The following ANKRD28 variants were observed in gnomAD, a reference collection of about 807,000 sequenced individuals.
ANKRD28 encodes ankyrin repeat domain 28.
A neutral mutation model predicts 126.5 loss-of-function variants in ANKRD28; 44 were observed. That is an observed-to-expected ratio of 0.35 (90% CI 0.27 to 0.45). The LOEUF (loss-of-function observed/expected upper bound fraction) is 0.45, where lower values mean the gene tolerates loss of function less well. Ranked by LOEUF, ANKRD28 falls within the 20% of genes least tolerant of loss-of-function variation. The probability of loss-of-function intolerance (pLI) is 1.00; values close to 1 mark genes in which losing one functional copy is unlikely to be tolerated. For synonymous variants in ANKRD28, 442 were observed against 468.5 expected, an observed-to-expected ratio of 0.94 and a Z score of 0.73; for missense variants, 1,110 against 1,316.6, an observed-to-expected ratio of 0.84 and a Z score of 2.43.
chr3:15,724,443 T>C lies in ANKRD28; in HGVS notation c.722A>G (p.His241Arg), dbSNP rs2074011014. The part of the protein sequence containing the change: ...CKDKKSYTPL[H>R]AAASSGMISV... ...GATCATTCCACTAGAGGCTGCTGCA[T>C]GAAGAGGTGTATAAGACTTTTTATC... The change falls in exon 7 of 28, where the codon CAT (histidine) becomes CGT (arginine). Residue 241 changes from histidine to arginine, a missense_variant. Transcript: ENST00000683139. The C allele has an allele frequency of 6.2e-7, 1 of 1,603,322 alleles. No individual in the cohort carries two copies. The highest frequency in any genetic ancestry group is 8.5e-7 in the Non-Finnish European group (1 of 1,174,358).
At chr3:15,675,699 T>C (rs2066865093) in intron 27 of ANKRD28, among the ~76,000 whole-genome samples, 199 bp downstream of exon 27, 1 of 152,250 alleles carries the variant, frequency 6.6e-6, no homozygotes, top group Non-Finnish European at 1.5e-5. Flanking sequence ...TAACAGATGA[T>C]ATAGGAATTC....
At position 15,815,016 on chromosome 3, in the gene ANKRD28, A is replaced by G. The variant is rs1406712763; in HGVS notation, c.28-19710T>C. Among the ~76,000 whole-genome samples, 1 of 151,486 alleles carries G rather than the reference A, an allele frequency of 6.6e-6. No individual in the cohort carries two copies. The highest frequency in any genetic ancestry group is 1.5e-5 in the Non-Finnish European group (1 of 67,830). On this transcript the variant is annotated intron_variant, in intron 1 of 27. Coordinates refer to the ANKRD28 transcript ENST00000399451. The surrounding 1 kb of genome is among the most constrained non-coding windows in gnomAD (Gnocchi z 4.1). Reference sequence around the variant, plus strand: ...TATTCCGCAACACCCTGAATATGACATTCCATTCAAAAATACTGTATTTAA... The same window carrying G: ...TATTCCGCAACACCCTGAATATGACGTTCCATTCAAAAATACTGTATTTAA...
rs2060861742 is a variant in ANKRD28, at chr3:15,817,757, A to G, written c.28-22451T>C. Among the ~76,000 whole-genome samples the G allele has an allele frequency of 6.6e-6, 1 of 152,206 alleles. No individual in the cohort carries two copies. The highest frequency in any genetic ancestry group is 6.5e-5 in the Admixed American group (1 of 15,278). Reference sequence around the variant, plus strand: ...TGCCTGCTCTTAATCACTCTTACTTAATATCATATTGAAAGAAAGAGCACT... The same window carrying G: ...TGCCTGCTCTTAATCACTCTTACTTGATATCATATTGAAAGAAAGAGCACT... On this transcript the variant is annotated intron_variant, in intron 1 of 27. Coordinates refer to the ANKRD28 transcript ENST00000399451. This position sits in a 1 kb window ranked among gnomAD's most constrained non-coding sequence, Gnocchi z 4.5.
At chr3:15,808,754 CTTTTG>C (rs1443505284) in intron 1 of ANKRD28, among the ~76,000 whole-genome samples, 4 of 150,012 alleles carry the variant, frequency 2.7e-5, no homozygotes, top group African/African-American at 1.0e-4. Context: ...GCTACCACTC[CTTTTG>C]TTTGTTTGTT....
intron 1 of ANKRD28, among the ~76,000 whole-genome samples, chr3:15,823,931 T>G (rs1277696893): frequency 6.6e-6 from 1 of 150,378 alleles, no homozygotes; most frequent in Non-Finnish European, 1.5e-5. Flanking sequence ...ATCGTTTATT[T>G]AAAAACCCAC....
At position 15,668,006 on chromosome 3, in the gene ANKRD28, A is replaced by C. The variant is rs2066071360; in HGVS notation, c.*2264T>G. 1 of 152,232 alleles carries C rather than the reference A, an allele frequency of 6.6e-6. No individual in the cohort carries two copies. Among genetic ancestry groups the C allele is most frequent in the Non-Finnish European group, 1.5e-5 (1 of 68,056 alleles). The allele number at this position is 152,232 out of a possible 1,614,324, so 9.4% of individuals were successfully genotyped here. The stretch of plus-strand genomic sequence containing the variant: ...GAGAAGACATGGCAGAATGTGCGAG[A>C]TTCATCCTTCCAACATTCTCAGGGT... On this transcript the variant is annotated 3_prime_UTR_variant, in exon 28 of 28. Transcript: ENST00000683139.
chr3:15,706,660 G>C (rs1233551465), intron 14 of ANKRD28, among the ~76,000 whole-genome samples: 2 of 152,054 alleles, frequency 1.3e-5, no homozygotes, highest in African/African-American at 2.4e-5. Context: ...TTGATGAATC[G>C]CCACACTGTC....
In ANKRD28 at chr3:15,763,549, T is replaced by C. The variant is rs1325336051; in HGVS notation, c.280+2685A>G. ...TAACAATAAACACTAGGAGAAAAGA[T>C]AACACAGGCGAGGGGGATTAGGTGG... On this transcript the variant is annotated intron_variant, in intron 3 of 27. Transcript: ENST00000683139. Among the ~76,000 whole-genome samples, 3 of 152,160 alleles carry C rather than the reference T, an allele frequency of 2.0e-5. No individual in the cohort carries two copies. The East Asian group carries it at 5.8e-4, about 29-fold the overall frequency.
rs1348908940 is a variant in ANKRD28 at position 15,851,841 on chromosome 3, G to A, written c.27+7536C>T. Among the ~76,000 whole-genome samples, 3 of 152,288 alleles carry A rather than the reference G, an allele frequency of 2.0e-5. No individual in the cohort carries two copies. The South Asian group carries it at 6.2e-4, about 32-fold the overall frequency. On this transcript the variant is annotated intron_variant, in intron 1 of 27. Coordinates refer to the ANKRD28 transcript ENST00000399451. ...CATAAAATCTTGTACACAAATGTTT[G>A]TATCAGCATAACAACCAAAAAATGT...
intron 1 of ANKRD28, among the ~76,000 whole-genome samples, chr3:15,842,778 G>T (rs1054765489): frequency 6.6e-6 from 1 of 151,974 alleles, no homozygotes; most frequent in South Asian, 2.1e-4. Context: ...TGGTTTTTTT[G>T]GAATATTACA....
chr3:15,818,109 C>T (rs985665103), intron 1 of ANKRD28, among the ~76,000 whole-genome samples: 9 of 152,164 alleles, frequency 5.9e-5, no homozygotes, highest in African/African-American at 2.2e-4. Flanking sequence ...TCAGAGACAA[C>T]GTAAAGAAAA....
chr3:15,800,660 G>A (rs2060444719), upstream of ANKRD28, among the ~76,000 whole-genome samples: 1 of 152,164 alleles, frequency 6.6e-6, no homozygotes, highest in African/African-American at 2.4e-5. Flanking sequence ...AACTAGACAA[G>A]CACATACTAA....
intron 27 of ANKRD28, among the ~76,000 whole-genome samples, chr3:15,674,781 A>C (rs545427129): frequency 4.6e-5 from 7 of 152,216 alleles, no homozygotes; most frequent in Non-Finnish European, 1.0e-4. Flanking sequence ...ACCAAGGAAG[A>C]GTGGGGTTCA....
intron 2 of ANKRD28, among the ~76,000 whole-genome samples, chr3:15,778,626 T>A (rs551971564): frequency 6.6e-6 from 1 of 152,274 alleles, no homozygotes; most frequent in South Asian, 2.1e-4. Context: ...ATACGTCTAA[T>A]CTCCTACTCT....
At chr3:15,798,225 TTCGTGTGTTAC>T (rs1273062491), upstream of ANKRD28, 178 of 942,304 alleles carry the variant, frequency 1.9e-4, no homozygotes, top group Non-Finnish European at 2.2e-4. Context: ...CTTAACTGCT[TTCGTGTGTTAC>T]AATAAAGCAA....
intron 1 of ANKRD28, among the ~76,000 whole-genome samples, chr3:15,856,548 C>G (rs1244986792): frequency 6.6e-6 from 1 of 151,976 alleles, no homozygotes; most frequent in Non-Finnish European, 1.5e-5. Context: ...AGTGAAAATT[C>G]AAGGAAAAAA....
chr3:15,742,016 G>T (rs1231632003), intron 4 of ANKRD28, among the ~76,000 whole-genome samples: 1 of 152,202 alleles, frequency 6.6e-6, no homozygotes, highest in Non-Finnish European at 1.5e-5. Flanking sequence ...CGGGATTGCA[G>T]ACGGAGTCTG....
intron 1 of ANKRD28, among the ~76,000 whole-genome samples, chr3:15,825,638 A>G (rs1194672904): frequency 6.6e-6 from 1 of 152,186 alleles, no homozygotes; most frequent in Non-Finnish European, 1.5e-5. Flanking sequence ...GATAAGAATG[A>G]TCATACTATA....
chr3:15,704,787 T>C (rs1366832249), intron 14 of ANKRD28, among the ~76,000 whole-genome samples: 2 of 152,224 alleles, frequency 1.3e-5, no homozygotes. Flanking sequence ...AGGATGCCTC[T>C]GGTATCCCAG....
Sources: allele counts gnomAD v4.1 joint callset (sites outside exome capture counted in the v4.1 genomes callset), GRCh38; gene constraint gnomAD v4.1.1; non-coding constraint Gnocchi (gnomAD v3.1); transcripts MANE v1.5; gene names NCBI Gene and HGNC (gene_info 2026-07-23, HGNC 2026-07-21).